SVOP: variants seen among roughly 807,000 people sequenced by gnomAD.
The protein encoded by SVOP is SV2 related protein.
Under a neutral mutation model 69.1 loss-of-function variants are expected in SVOP, and 17 were observed. That is an observed-to-expected ratio of 0.25 (90% CI 0.17 to 0.37). The LOEUF (loss-of-function observed/expected upper bound fraction) is 0.37, where lower values mean the gene tolerates loss of function less well. Among genes scored for constraint, SVOP ranks in the 10% least tolerant of loss-of-function variants. The pLI, the probability that SVOP is intolerant of heterozygous loss-of-function variation, is 1.00. For missense variants in SVOP, 435 were observed against 597.5 expected, an observed-to-expected ratio of 0.73 and a Z score of 2.84; for synonymous variants, 238 against 238.6, an observed-to-expected ratio of 1.00 and a Z score of 0.02.
rs1203352229 is a variant in SVOP at position 108,909,310 on chromosome 12, G to C, written c.*3225C>G. ...GTGGGCGGATCACTTGAGGTCAGGA[G>C]TTTGAGACCAGCCTGACCAACATGG... On this transcript the variant is annotated 3_prime_UTR_variant, in exon 16 of 16. Coordinates refer to ENST00000610966, the MANE Select transcript of SVOP (RefSeq NM_018711.5). 1 of 152,136 alleles carries C rather than the reference G, an allele frequency of 6.6e-6. No homozygotes were observed. The highest frequency in any genetic ancestry group is 1.5e-5 in the Non-Finnish European group (1 of 68,046). 9.4% of individuals were successfully genotyped at this position (152,136 alleles called of 1,614,324 possible).
intron 1 of SVOP, among the ~76,000 whole-genome samples, chr12:108,997,002 G>A (rs989185364): frequency 1.1e-4 from 17 of 152,188 alleles, no homozygotes; most frequent in Admixed American, 9.8e-4. Context: ...AGCTCCCAGC[G>A]TGAGCGACAC....
intron 6 of SVOP, among the ~76,000 whole-genome samples, chr12:108,959,215 G>T (rs997487091): frequency 6.6e-6 from 1 of 152,098 alleles, no homozygotes; most frequent in Non-Finnish European, 1.5e-5. Context: ...GCCATAGCCA[G>T]ATCCATACTT....
At chr12:108,913,110 T>C (rs2039694879) in intron 15 of SVOP, among the ~76,000 whole-genome samples, 1 of 152,210 alleles carries the variant, frequency 6.6e-6, no homozygotes, top group Non-Finnish European at 1.5e-5. Flanking sequence ...TCATTCTTGT[T>C]GCCCAGACTG....
intron 5 of SVOP, 82 bp downstream of exon 5, chr12:108,972,323 T>G (rs897658129): frequency 7.3e-7 from 1 of 1,371,332 alleles, no homozygotes; most frequent in Admixed American, 2.0e-5. Context: ...CAACTGCTAA[T>G]GCAGAACGGG....
At chr12:108,944,867 G>T (rs980029962) in intron 7 of SVOP, among the ~76,000 whole-genome samples, 4 of 152,084 alleles carry the variant, frequency 2.6e-5, no homozygotes, top group Non-Finnish European at 5.9e-5. Context: ...TACCCTTGCC[G>T]ACACTTCTTT....
chr12:108,931,758 CG>C (rs1566050170), intron 11 of SVOP, among the ~76,000 whole-genome samples: 1 of 151,494 alleles, frequency 6.6e-6, no homozygotes, highest in Non-Finnish European at 1.5e-5. Flanking sequence ...AACTTGAACC[CG>C]GGAGGTGGAG....
chr12:109,020,813 G>A, intron 1 of SVOP, 21 bp downstream of exon 1: 1 of 686,420 alleles, frequency 1.5e-6, no homozygotes, highest in Non-Finnish European at 2.6e-6. Flanking sequence ...TCTGCCTCTT[G>A]CTCGCCCCCA....
intron 1 of SVOP, among the ~76,000 whole-genome samples, chr12:108,998,217 G>C (rs2040247732): frequency 6.6e-6 from 1 of 152,112 alleles, no homozygotes; most frequent in South Asian, 2.1e-4. Flanking sequence ...ATCAGCAATG[G>C]AAGATGAAAT....
chr12:109,008,047 A>C (rs1033565682), intron 1 of SVOP, among the ~76,000 whole-genome samples: 2 of 151,306 alleles, frequency 1.3e-5, no homozygotes, highest in Non-Finnish European at 3.0e-5. Context: ...CAAAAAAAAA[A>C]AATCTCCAGT....
intron 1 of SVOP, among the ~76,000 whole-genome samples, chr12:108,991,836 C>T (rs1241586228): frequency 2.6e-5 from 4 of 151,528 alleles, no homozygotes; most frequent in Non-Finnish European, 5.9e-5. Context: ...GTCTTGGCTA[C>T]TCAAAAGGCT....
Position 108,922,775 on chromosome 12 carries a change from T to A in SVOP, c.1071A>T (p.Val357=), listed in dbSNP as rs1427472727. Residue 357 remains valine (V), a synonymous_variant, in exon 12 of 16, where the codon GTA becomes GTT. Transcript: ENST00000610966. The part of the protein sequence containing the change: ...VCGISSRKKA[V]EAKCSLACEY... ...CGCAGGCCAGGCTGCATTTTGCCTC[T>A]ACAGCCTTCTTCCGACTGGAGACTG... The A allele has an allele frequency of 6.2e-7, 1 of 1,609,254 alleles. No individual in the cohort carries two copies. The highest frequency in any genetic ancestry group is 1.3e-5 in the African/African-American group (1 of 74,860).
At position 108,951,395 on chromosome 12, in the gene SVOP, A is replaced by G. The variant is rs561715677; in HGVS notation, c.579-6229T>C. ...TGTTTTCGTGGAGAGACACGGGGCA[A>G]TAACAGGTGATTATCATTTGTTATT... On this transcript the variant is annotated intron_variant, in intron 6 of 15. Coordinates refer to ENST00000610966, the MANE Select transcript of SVOP (RefSeq NM_018711.5). 4.6e-5 allele frequency among the ~76,000 whole-genome samples: 7 copies of G among 152,364 alleles called. No homozygotes were observed. In the East Asian group the frequency reaches 1.2e-3, roughly 25 times the overall value.
intron 15 of SVOP, among the ~76,000 whole-genome samples, chr12:108,915,236 C>T (rs181825305): frequency 1.3e-5 from 2 of 151,426 alleles, no homozygotes; most frequent in East Asian, 3.9e-4. Context: ...GTTTGTTACA[C>T]AGATATATTG....
At chr12:108,920,501 T>TA (rs958265164) in intron 12 of SVOP, among the ~76,000 whole-genome samples, 5 of 151,150 alleles carry the variant, frequency 3.3e-5, no homozygotes, top group African/African-American at 1.2e-4. Flanking sequence ...AAAATGGGCC[T>TA]AAAAAATAAC....
At chr12:108,977,934 T>C (rs931571425) in intron 3 of SVOP, among the ~76,000 whole-genome samples, 3 of 152,198 alleles carry the variant, frequency 2.0e-5, no homozygotes, top group Non-Finnish European at 2.9e-5. Flanking sequence ...GACCTTTTAA[T>C]ACATTAAAAC....
intron 1 of SVOP, among the ~76,000 whole-genome samples, chr12:109,018,179 A>G (rs1371585172): frequency 6.6e-6 from 1 of 152,226 alleles, no homozygotes; most frequent in Non-Finnish European, 1.5e-5. Flanking sequence ...AAATCATCCT[A>G]GAAAGAACAG....
At chr12:108,936,706 C>T (rs772150286) in intron 10 of SVOP, among the ~76,000 whole-genome samples, 5 of 152,144 alleles carry the variant, frequency 3.3e-5, no homozygotes, top group African/African-American at 4.8e-5. Context: ...AAACTGCTGG[C>T]CTCGAGAGAT....
intron 1 of SVOP, among the ~76,000 whole-genome samples, chr12:108,995,354 A>G (rs1175192746): frequency 6.6e-6 from 1 of 152,212 alleles, no homozygotes; most frequent in Non-Finnish European, 1.5e-5. Flanking sequence ...TACAACATGG[A>G]TGAACCTTGA....
intron 12 of SVOP, among the ~76,000 whole-genome samples, chr12:108,922,152 C>G (rs1236194587): frequency 6.6e-6 from 1 of 152,148 alleles, no homozygotes; most frequent in Non-Finnish European, 1.5e-5. Flanking sequence ...GTTGTTTGTA[C>G]AGCAAACAAC....
Sources: gnomAD v4.1 joint callset for allele counts (sites outside exome capture counted in the v4.1 genomes callset) on GRCh38, gnomAD v4.1.1 for gene constraint, MANE v1.5 for transcripts, NCBI Gene and HGNC (gene_info 2026-07-23, HGNC 2026-07-21) for gene names.